The following LIM2 variants were observed in gnomAD, a reference collection of about 807,000 sequenced individuals.
The protein encoded by LIM2 is lens fiber membrane intrinsic protein.
Under a neutral mutation model 19.0 loss-of-function variants are expected in LIM2, and 14 were observed. That is an observed-to-expected ratio of 0.74 (90% CI 0.49 to 1.15). LIM2 has a LOEUF of 1.15. Ranked by LOEUF, LIM2 falls within the 50% of genes most tolerant of loss-of-function variation. The probability of loss-of-function intolerance (pLI) is 0.00; values close to 1 mark genes in which losing one functional copy is unlikely to be tolerated. For missense variants in LIM2, 230 were observed against 243.5 expected (o/e 0.94, Z 0.37); for synonymous variants, 78 against 89.6 (o/e 0.87, Z 0.73).
Position 51,382,483 on chromosome 19 carries a change from G to A in LIM2, c.260C>T (p.Ala87Val). ...SGIIMGIMAF[A>V]HQPTFSRISR... is the part of the protein sequence containing the mutation. ...GATGCGGGAGAAGGTAGGCTGATGAGCGAAGGCCATGATGCCCATGATGAT... is the reference window on the plus strand; with the variant it reads ...GATGCGGGAGAAGGTAGGCTGATGAACGAAGGCCATGATGCCCATGATGAT... The change falls in exon 3 of 5, where the codon GCT (alanine) becomes GTT (valine). Residue 87 changes from alanine to valine, a missense_variant. Transcript: ENST00000596399. 1 of 1,614,028 alleles carries A rather than the reference G, an allele frequency of 6.2e-7. No homozygotes were observed. The highest frequency in any genetic ancestry group is 8.5e-7 in the Non-Finnish European group (1 of 1,179,992).
At chr19:51,387,700 C>T (rs1006537375) in intron 1 of LIM2, among the ~76,000 whole-genome samples, 1 of 151,978 alleles carries the variant, frequency 6.6e-6, no homozygotes, top group African/African-American at 2.4e-5. Context: ...AGGCCGGGGG[C>T]CTGGACTTCC....
chr19:51,382,874 G>A (rs1986934928), intron 2 of LIM2, among the ~76,000 whole-genome samples: 1 of 151,900 alleles, frequency 6.6e-6, no homozygotes, highest in Non-Finnish European at 1.5e-5. Context: ...GACAGGCGGT[G>A]GGTTGGTTCT....
At chr19:51,384,388 T>C (rs1350639820) in intron 2 of LIM2, among the ~76,000 whole-genome samples, 6 of 151,936 alleles carry the variant, frequency 3.9e-5, no homozygotes, top group Non-Finnish European at 5.9e-5. Context: ...CCAAGATCAT[T>C]CCACTGCCCT....
intron 2 of LIM2, 62 bp downstream of exon 2, chr19:51,387,207 G>A: frequency 6.2e-7 from 1 of 1,614,162 alleles, no homozygotes; most frequent in Non-Finnish European, 8.5e-7. Flanking sequence ...GGTGTCCTTG[G>A]GCCCCGAGGT....
Position 51,382,451 on chromosome 19 carries a change from G to A in LIM2, c.292C>T (p.Pro98Ser), listed in dbSNP as rs1301243440. 2 of 1,613,962 alleles carry A rather than the reference G, an allele frequency of 1.2e-6. No individual in the cohort carries two copies. Among genetic ancestry groups the A allele is most frequent in the Non-Finnish European group, 8.5e-7 (1 of 1,179,990 alleles). Residue 98 changes from proline to serine, a missense_variant, in exon 3 of 5, where the codon CCC (proline) becomes TCC (serine). Pro to Ser is a moderately conservative substitution (Grantham distance 74, BLOSUM62 -1). Transcript: ENST00000596399. Reference sequence around the variant, plus strand: ...AAAAACATGATGCCAGCAGAGAAGGGCCGGGAGATGCGGGAGAAGGTAGGC... The same window carrying A: ...AAAAACATGATGCCAGCAGAGAAGGACCGGGAGATGCGGGAGAAGGTAGGC... ...HQPTFSRISR[P>S]FSAGIMFFSS...
intron 1 of LIM2, 76 bp downstream of exon 1, chr19:51,387,843 G>A (rs2123677593): frequency 4.0e-6 from 1 of 251,444 alleles, no homozygotes; most frequent in South Asian, 5.1e-5. Flanking sequence ...CAGGTCCTGG[G>A]AGAAGAAGGA....
intron 2 of LIM2, among the ~76,000 whole-genome samples, chr19:51,383,512 C>T (rs1488889148): frequency 6.6e-6 from 1 of 152,180 alleles, no homozygotes; most frequent in Non-Finnish European, 1.5e-5. Context: ...ATAATAGGTG[C>T]CCAATAAATG....
In LIM2 at chr19:51,382,418, T is replaced by C. The variant is rs766721468; in HGVS notation, c.325A>G (p.Thr109Ala). The C allele has an allele frequency of 1.1e-5, 18 of 1,613,498 alleles. No homozygotes were observed. The highest frequency in any genetic ancestry group is 1.4e-5 in the Non-Finnish European group (17 of 1,179,924). ...FSAGIMFFSSTLFVVLALAIY... is the reference protein window; with the variant it reads ...FSAGIMFFSSALFVVLALAIY... ...GTAGGGAGAGGGTGGGCTTACTCAC[T>C]TGAGGAAAAAAACATGATGCCAGCA... Residue 109 changes from threonine to alanine, a missense_variant and splice_region_variant, in exon 3 of 5, where the codon ACC becomes GCC. Physicochemically the swap from Thr to Ala is moderately conservative, Grantham distance 58. Transcript: ENST00000596399.
At chr19:51,387,820 G>C in intron 1 of LIM2, 99 bp downstream of exon 1, 1 of 304,182 alleles carries the variant, frequency 3.3e-6, no homozygotes, top group Non-Finnish European at 6.3e-6. Flanking sequence ...CTAGGGGCTA[G>C]GGGGTAGGAC....
chr19:51,380,537 C>A lies in LIM2; in HGVS notation c.428G>T (p.Gly143Val). Reference sequence around the variant, plus strand: ...GAACGTCATGAGCACTGCCACCCAGCCCAGGATGTAGGACCAGGAAAAGCG... The same window carrying A: ...GAACGTCATGAGCACTGCCACCCAGACCAGGATGTAGGACCAGGAAAAGCG... ...DWRFSWSYILGWVAVLMTFFA... is the reference protein window; with the variant it reads ...DWRFSWSYILVWVAVLMTFFA... Residue 143 changes from glycine to valine, a missense_variant, in exon 4 of 5, where the codon GGC becomes GTC. By Grantham distance (109) the Gly-to-Val change is moderately radical. Transcript: ENST00000596399. The A allele has an allele frequency of 1.2e-6, 2 of 1,614,206 alleles. No individual in the cohort carries two copies. The highest frequency in any genetic ancestry group is 1.7e-6 in the Non-Finnish European group (2 of 1,180,048).
intron 2 of LIM2, among the ~76,000 whole-genome samples, chr19:51,384,432 A>C (rs1012745390): frequency 1.3e-5 from 2 of 152,222 alleles, no homozygotes; most frequent in Non-Finnish European, 2.9e-5. Flanking sequence ...CTCCAACTCA[A>C]AAACAAAACA....
In LIM2 at chr19:51,387,288, G is replaced by C. The variant is rs1422136689; in HGVS notation, c.156C>G (p.Tyr52Ter). 2 of 1,614,178 alleles carry C rather than the reference G, an allele frequency of 1.2e-6. No homozygotes were observed. Among genetic ancestry groups the C allele is most frequent in the African/African-American group, 2.7e-5 (2 of 75,064 alleles). Residue 52 changes from tyrosine (Y) to a stop codon, truncating the protein, a stop_gained, in exon 2 of 5, where the codon TAC becomes TAG. Coordinates refer to ENST00000596399, the MANE Select transcript of LIM2 (RefSeq NM_001161748.2). LOFTEE classifies it high-confidence loss of function. ...LWRYCLGNKC[Y>*]LQTDSIAYWN... ...GCTCACCGATGCTGTCTGTCTGCAG[G>C]TAGCACTTGTTGCCCAGGCAGTACC...
Position 51,380,024 on chromosome 19 carries a change from C to A in LIM2, c.*177G>T. On this transcript the variant is annotated 3_prime_UTR_variant, in exon 5 of 5. Coordinates refer to ENST00000596399, the MANE Select transcript of LIM2 (RefSeq NM_001161748.2). The stretch of plus-strand genomic sequence containing the variant: ...GTCTTCTCAGCTCCCTCCCATGGGC[C>A]CTATTCTTCCTCCTTCCAGCCTAGG... The A allele has an allele frequency of 1.5e-6, 1 of 653,790 alleles. No homozygotes were observed. Among genetic ancestry groups the A allele is most frequent in the South Asian group, 1.8e-5 (1 of 55,480 alleles). 40.5% of individuals were successfully genotyped at this position (653,790 alleles called of 1,614,324 possible).
intron 2 of LIM2, among the ~76,000 whole-genome samples, chr19:51,385,309 G>A (rs111596462): frequency 6.6e-6 from 1 of 152,198 alleles, no homozygotes; most frequent in Non-Finnish European, 1.5e-5. Flanking sequence ...ATCACCTGAG[G>A]TCAGGAGTTC....
At position 51,387,351 on chromosome 19, in the gene LIM2, G is replaced by A. The variant is rs767919987; in HGVS notation, c.93C>T (p.Tyr31=). Residue 31 remains tyrosine, a synonymous_variant, in exon 2 of 5, where the codon TAC becomes TAT. Coordinates refer to ENST00000596399, the MANE Select transcript of LIM2 (RefSeq NM_001161748.2). ...GGTGGGCGAAGGACCCTGACAGCCG[G>A]TACTGCATCCAGTGGTCTGTTGCCA... ...VAMATDHWMQ[Y]RLSGSFAHQG... 14 of 1,614,066 alleles carry A rather than the reference G, an allele frequency of 8.7e-6. No individual in the cohort carries two copies. The South Asian group carries it at 1.3e-4, about 15-fold the overall frequency.
chr19:51,380,298 C>T lies in LIM2; in HGVS notation c.461-36G>A, dbSNP rs1221724751. The T allele has an allele frequency of 4.3e-6, 7 of 1,609,380 alleles. No homozygotes were observed. The East Asian group carries it at 1.6e-4, about 36-fold the overall frequency. On this transcript the variant is annotated intron_variant, in intron 4 of 4. Coordinates refer to ENST00000596399, the MANE Select transcript of LIM2 (RefSeq NM_001161748.2). The stretch of plus-strand genomic sequence containing the variant: ...AGAAGTTCAAATTCACCCCCTCAAA[C>T]CTCCCCCAGCTCCATTTCCACCCCA...
intron 1 of LIM2, 75 bp from the exon 2 acceptor site, chr19:51,387,524 GCTC>G: frequency 1.9e-6 from 3 of 1,593,050 alleles, no homozygotes; most frequent in Non-Finnish European, 1.7e-6. Context: ...GGGAGAGAGG[GCTC>G]AGGAGTGGGA....
rs781424643 is a variant in LIM2, at chr19:51,387,291, G to A, written c.153C>T (p.Cys51=). 6.2e-6 allele frequency: 10 copies of A among 1,614,108 alleles called. No individual in the cohort carries two copies. In the South Asian group the frequency reaches 9.9e-5, roughly 16 times the overall value. ...CACCGATGCTGTCTGTCTGCAGGTA[G>A]CACTTGTTGCCCAGGCAGTACCGCC... ...GLWRYCLGNK[C]YLQTDSIAYW... The change falls in exon 2 of 5, where the codon TGC becomes TGT. Residue 51 remains cysteine (C), a synonymous_variant. Coordinates refer to ENST00000596399, the MANE Select transcript of LIM2 (RefSeq NM_001161748.2).
In LIM2 at chr19:51,380,181, G is replaced by T. The variant is rs1167468751; in HGVS notation, c.*20C>A. On this transcript the variant is annotated 3_prime_UTR_variant, in exon 5 of 5. Coordinates refer to ENST00000596399, the MANE Select transcript of LIM2 (RefSeq NM_001161748.2). ...GGCCTCACTTTAACTTCCAGATGAA[G>T]TTGGGGGACACATTTGGGCTCAGCG... The T allele has an allele frequency of 6.8e-6, 11 of 1,612,370 alleles. No homozygotes were observed. Among genetic ancestry groups the T allele is most frequent in the South Asian group, 1.1e-5 (1 of 90,862 alleles).
Sources: gnomAD v4.1 joint callset for allele counts (sites outside exome capture counted in the v4.1 genomes callset) on GRCh38, gnomAD v4.1.1 for gene constraint, MANE v1.5 for transcripts, NCBI Gene and HGNC (gene_info 2026-07-23, HGNC 2026-07-21) for gene names.